SMYD3: variants seen among roughly 807,000 people sequenced by gnomAD.
The protein encoded by SMYD3 is histone-lysine N-methyltransferase SMYD3.
Under a neutral mutation model 57.7 loss-of-function variants are expected in SMYD3, and 36 were observed. The observed-to-expected ratio is 0.62, with a 90% CI of 0.48 to 0.82. The LOEUF (loss-of-function observed/expected upper bound fraction) is 0.82. SMYD3 is among the 40% of genes least tolerant of loss of function. The probability of loss-of-function intolerance (pLI) is 0.00; values close to 1 mark genes in which losing one functional copy is unlikely to be tolerated. For missense variants in SMYD3, 515 were observed against 538.8 expected, an observed-to-expected ratio of 0.96 and a Z score of 0.44; for synonymous variants, 211 against 195.0, an observed-to-expected ratio of 1.08 and a Z score of -0.68.
rs77379136 is a variant in SMYD3, at chr1:246,002,479, C to T, written c.532-72542G>A. 2.9e-3 allele frequency among the ~76,000 whole-genome samples: 93 copies of T among 32,228 alleles called. 6 individuals carry two copies. The Middle Eastern group carries it at 0.054, about 19-fold the overall frequency. 21.1% of individuals were successfully genotyped at this position (32,228 alleles called of 152,430 possible). ...GATTACAGGCGCCCGCCACCACGCC[C>T]GGCTAATTTTTTGTATTTTTAGTAG... On this transcript the variant is annotated intron_variant, in intron 5 of 11. Transcript: ENST00000490107.
At chr1:246,037,989 A>C (rs2059806044) in intron 5 of SMYD3, among the ~76,000 whole-genome samples, 1 of 152,208 alleles carries the variant, frequency 6.6e-6, no homozygotes, top group Non-Finnish European at 1.5e-5. Flanking sequence ...CATAGGGTGA[A>C]AGCAGCCACA....
intron 5 of SMYD3, among the ~76,000 whole-genome samples, chr1:246,176,975 A>C (rs1343345852): frequency 6.6e-6 from 1 of 152,232 alleles, no homozygotes; most frequent in African/African-American, 2.4e-5. Flanking sequence ...AAATTGGTGA[A>C]ACACAAAGGA....
intron 1 of SMYD3, among the ~76,000 whole-genome samples, chr1:246,370,596 C>G (rs1238955999): frequency 6.6e-6 from 1 of 152,130 alleles, no homozygotes; most frequent in Non-Finnish European, 1.5e-5. Flanking sequence ...CTATATGGAG[C>G]GCCTGCTAAC....
chr1:246,464,346 T>A (rs572315961), intron 1 of SMYD3, among the ~76,000 whole-genome samples: 1 of 151,938 alleles, frequency 6.6e-6, no homozygotes, highest in South Asian at 2.1e-4. Context: ...CAAAACCCCA[T>A]CTCTACTAAA....
intron 10 of SMYD3, among the ~76,000 whole-genome samples, chr1:245,857,670 G>A (rs543276791): frequency 6.6e-6 from 1 of 152,260 alleles, no homozygotes; most frequent in African/African-American, 2.4e-5. Flanking sequence ...CAGCAACCTT[G>A]TTCTGTGCTA....
intron 1 of SMYD3, among the ~76,000 whole-genome samples, chr1:246,368,598 T>C (rs1267699525): frequency 1.3e-5 from 2 of 152,216 alleles, no homozygotes; most frequent in African/African-American, 4.8e-5. Context: ...TCAACTTGAT[T>C]GGATTGAAGG....
At chr1:245,996,096 C>T (rs2058925581) in intron 5 of SMYD3, among the ~76,000 whole-genome samples, 1 of 152,148 alleles carries the variant, frequency 6.6e-6, no homozygotes, top group Non-Finnish European at 1.5e-5. Flanking sequence ...CAACGAATGC[C>T]CAATGGAAGA....
chr1:245,818,182 G>A (rs12069494), intron 10 of SMYD3, among the ~76,000 whole-genome samples: 2,235 of 152,292 alleles, frequency 0.015, 52 homozygotes, highest in African/African-American at 0.051. Context: ...AAGCCCATCA[G>A]ACTAACAGCG....
intron 10 of SMYD3, among the ~76,000 whole-genome samples, chr1:245,817,233 C>T (rs1184549443): frequency 7.0e-6 from 1 of 143,608 alleles, no homozygotes; most frequent in Admixed American, 7.1e-5. Context: ...AAGTGGGTCC[C>T]TGACCCCTGA....
intron 6 of SMYD3, 97 bp from the exon 7 acceptor site, chr1:245,928,130 GCA>G: frequency 2.3e-6 from 2 of 881,312 alleles, no homozygotes; most frequent in East Asian, 2.9e-5. Flanking sequence ...CCTTTGGGGG[GCA>G]GCAGCAGGTA....
chr1:246,008,523 A>G (rs12127751), intron 5 of SMYD3, among the ~76,000 whole-genome samples: 21,434 of 152,176 alleles, frequency 0.14, 1,841 homozygotes, highest in African/African-American at 0.24. Flanking sequence ...CCTGGAGGGC[A>G]TAAGAGCTGT....
chr1:245,956,349 T>C (rs1184683456), intron 5 of SMYD3, among the ~76,000 whole-genome samples: 4 of 152,358 alleles, frequency 2.6e-5, no homozygotes, highest in Admixed American at 6.5e-5. Context: ...TCCTCATCCA[T>C]AGAGGCCAGC....
chr1:245,886,181 G>C (rs543840963), intron 8 of SMYD3, among the ~76,000 whole-genome samples: 1 of 152,252 alleles, frequency 6.6e-6, no homozygotes, highest in East Asian at 1.9e-4. Context: ...GACAAATGTG[G>C]AGACAACTGT....
At chr1:246,488,185 T>A (rs2068216242) in intron 1 of SMYD3, among the ~76,000 whole-genome samples, 1 of 152,188 alleles carries the variant, frequency 6.6e-6, no homozygotes, top group Non-Finnish European at 1.5e-5. Flanking sequence ...CACAGGTAAT[T>A]TCATTAAAAA....
chr1:246,190,706 C>A (rs1279460478), intron 5 of SMYD3, among the ~76,000 whole-genome samples: 2 of 151,928 alleles, frequency 1.3e-5, no homozygotes, highest in Admixed American at 6.6e-5. Context: ...CTTTGTCCCC[C>A]TCCCCAACTC....
At position 245,749,620 on chromosome 1, in the gene SMYD3, CAGGCTGTG is replaced by C. The variant is rs1418916190; in HGVS notation, c.1222_1229del (p.His408AspfsTer2). 2 of 1,614,180 alleles carry C rather than the reference CAGGCTGTG, an allele frequency of 1.2e-6. No individual in the cohort carries two copies. The highest frequency in any genetic ancestry group is 2.2e-5 in the South Asian group (2 of 91,078). ...CTAAAAGTAGAATCAAATCTTCAATCAGGCTGTGTTCTCTGCCATGTGTCACTCTCATA... is the reference window on the plus strand; with the variant it reads ...CTAAAAGTAGAATCAAATCTTCAATCTTCTCTGCCATGTGTCACTCTCATA... On this transcript the variant is annotated frameshift_variant, in exon 12 of 12. Transcript: ENST00000490107. LOFTEE classifies it high-confidence loss of function.
At chr1:245,877,486 T>C (rs546602067) in intron 8 of SMYD3, among the ~76,000 whole-genome samples, 269 of 152,322 alleles carry the variant, frequency 1.8e-3, no homozygotes, top group African/African-American at 6.2e-3. Flanking sequence ...TGGGAGGGAC[T>C]GAAGGCGGAA....
chr1:246,499,933 A>T (rs1284617083), intron 1 of SMYD3, among the ~76,000 whole-genome samples: 1 of 152,210 alleles, frequency 6.6e-6, no homozygotes, highest in East Asian at 1.9e-4. Context: ...TGAGACTAAA[A>T]GGTCTGAGAA....
chr1:246,033,567 C>T (rs987244196), intron 5 of SMYD3, among the ~76,000 whole-genome samples: 1 of 152,152 alleles, frequency 6.6e-6, no homozygotes, highest in Non-Finnish European at 1.5e-5. Flanking sequence ...AGGCGGATCA[C>T]GTGAGGTCAG....
Sources: allele counts gnomAD v4.1 joint callset (sites outside exome capture counted in the v4.1 genomes callset), GRCh38; gene constraint gnomAD v4.1.1; transcripts MANE v1.5; gene names NCBI Gene and HGNC (gene_info 2026-07-23, HGNC 2026-07-21).